MARCHF1: variants seen among roughly 807,000 people sequenced by gnomAD.
MARCHF1 encodes the protein membrane associated ring-CH-type finger 1, also known as E3 ubiquitin-protein ligase MARCHF1.
MARCHF1 carries 40 observed loss-of-function variants against 54.2 expected under a neutral mutation model. That is an observed-to-expected ratio of 0.74 (90% CI 0.57 to 0.96). The LOEUF is 0.96. Among genes scored for constraint, MARCHF1 ranks in the 40% least tolerant of loss-of-function variants. The probability of loss-of-function intolerance (pLI) is 0.00; values close to 1 mark genes in which losing one functional copy is unlikely to be tolerated. For synonymous variants in MARCHF1, 236 were observed against 236.3 expected, an observed-to-expected ratio of 1.00 and a Z score of 0.01; for missense variants, 586 against 656.5, an observed-to-expected ratio of 0.89 and a Z score of 1.17.
At chr4:163,994,297 T>TGTGC (rs1753024137) in intron 2 of MARCHF1, among the ~76,000 whole-genome samples, 1 of 141,650 alleles carries the variant, frequency 7.1e-6, no homozygotes, top group Non-Finnish European at 1.6e-5. Flanking sequence ...TGTGTGTGTG[T>TGTGC]GTGTGAGTGT....
At chr4:163,925,536 G>A (rs1466943714) in intron 3 of MARCHF1, among the ~76,000 whole-genome samples, 1 of 151,670 alleles carries the variant, frequency 6.6e-6, no homozygotes, top group Non-Finnish European at 1.5e-5. Flanking sequence ...CTTAAATCAA[G>A]GAAGACATAT....
chr4:163,600,961 T>G (rs1201370827), intron 7 of MARCHF1, among the ~76,000 whole-genome samples: 1 of 152,066 alleles, frequency 6.6e-6, no homozygotes, highest in Non-Finnish European at 1.5e-5. Flanking sequence ...GCTCCTGGAG[T>G]CCTTGTATCT....
intron 2 of MARCHF1, among the ~76,000 whole-genome samples, chr4:164,088,343 T>C (rs566214619): frequency 6.6e-6 from 1 of 152,346 alleles, no homozygotes; most frequent in East Asian, 1.9e-4. Flanking sequence ...ATTTATTTTA[T>C]AATTTGATGT....
At chr4:164,197,037 A>G in intron 1 of MARCHF1, 1 of 1,605,250 alleles carries the variant, frequency 6.2e-7, no homozygotes, top group Non-Finnish European at 8.5e-7. Flanking sequence ...TTTCTTCTTC[A>G]CCAAGCTCTT....
chr4:163,705,975 G>A (rs931074323), intron 4 of MARCHF1, among the ~76,000 whole-genome samples: 5 of 152,010 alleles, frequency 3.3e-5, no homozygotes, highest in Admixed American at 2.0e-4. Flanking sequence ...ACAGTACTTA[G>A]ATACATGACA....
intron 1 of MARCHF1, among the ~76,000 whole-genome samples, chr4:164,311,970 G>T (rs906684965): frequency 6.6e-6 from 1 of 151,892 alleles, no homozygotes; most frequent in African/African-American, 2.4e-5. Flanking sequence ...GCTTCCCTTT[G>T]ATCCCCAAGT....
intron 3 of MARCHF1, among the ~76,000 whole-genome samples, chr4:163,941,652 G>A (rs1443847381): frequency 3.9e-5 from 6 of 152,026 alleles, no homozygotes; most frequent in Non-Finnish European, 8.8e-5. Flanking sequence ...TTTACCCGTG[G>A]TCCTTCAGAG....
chr4:164,256,753 T>C (rs1395512453), intron 1 of MARCHF1, among the ~76,000 whole-genome samples: 1 of 152,152 alleles, frequency 6.6e-6, no homozygotes, highest in Non-Finnish European at 1.5e-5. Flanking sequence ...CCAACTGCTA[T>C]AAAATAAATC....
intron 1 of MARCHF1, among the ~76,000 whole-genome samples, chr4:164,359,811 A>G (rs1265794322): frequency 6.6e-6 from 1 of 152,152 alleles, no homozygotes; most frequent in Non-Finnish European, 1.5e-5. Flanking sequence ...AGTAAACACA[A>G]GCCTCTAGGA....
At chr4:163,670,006 G>A (rs558771593) in intron 5 of MARCHF1, among the ~76,000 whole-genome samples, 133 of 152,182 alleles carry the variant, frequency 8.7e-4, no homozygotes, top group African/African-American at 3.0e-3. Flanking sequence ...CTTTTAAGAT[G>A]TCTTTGGAAG....
intron 2 of MARCHF1, among the ~76,000 whole-genome samples, chr4:164,010,255 G>GT (rs200926227): frequency 0.035 from 5,022 of 145,096 alleles, 203 homozygotes; most frequent in East Asian, 0.17. Context: ...TTGTTTTTTG[G>GT]TTTTTTTTTT....
chr4:164,072,252 T>C (rs1248860634), intron 2 of MARCHF1, among the ~76,000 whole-genome samples: 2 of 152,234 alleles, frequency 1.3e-5, no homozygotes, highest in Non-Finnish European at 2.9e-5. Context: ...CGTCATTTAT[T>C]CATGTTTTCT....
intron 5 of MARCHF1, among the ~76,000 whole-genome samples, chr4:163,649,723 T>C (rs948675180): frequency 6.6e-6 from 1 of 151,768 alleles, no homozygotes; most frequent in Non-Finnish European, 1.5e-5. Context: ...CCCACCACCT[T>C]CCATGATACC....
At chr4:164,334,062 T>C (rs1729657027) in intron 1 of MARCHF1, among the ~76,000 whole-genome samples, 1 of 151,994 alleles carries the variant, frequency 6.6e-6, no homozygotes, top group Non-Finnish European at 1.5e-5. Context: ...CTAGCAGAGG[T>C]GGGTTCATGA....
intron 3 of MARCHF1, among the ~76,000 whole-genome samples, chr4:163,969,684 G>A (rs866843973): frequency 1.3e-5 from 2 of 152,128 alleles, no homozygotes; most frequent in South Asian, 2.1e-4. Flanking sequence ...TATGCTACAC[G>A]CAACATGCTT....
intron 4 of MARCHF1, among the ~76,000 whole-genome samples, chr4:163,766,207 T>C (rs898427560): frequency 2.6e-5 from 4 of 152,000 alleles, no homozygotes; most frequent in African/African-American, 9.7e-5. Context: ...CATCTCAGCA[T>C]TTCTTTTAAA....
intron 5 of MARCHF1, among the ~76,000 whole-genome samples, chr4:163,662,145 T>A (rs1251571175): frequency 1.3e-5 from 2 of 152,082 alleles, no homozygotes; most frequent in Non-Finnish European, 2.9e-5. Flanking sequence ...ACACAGTTGG[T>A]CCATGATATC....
chr4:164,235,606 C>T (rs1334338041), intron 1 of MARCHF1, among the ~76,000 whole-genome samples: 1 of 152,054 alleles, frequency 6.6e-6, no homozygotes, highest in Non-Finnish European at 1.5e-5. Flanking sequence ...GAGCTGGAGA[C>T]CATTATTCTA....
At position 164,244,365 on chromosome 4, in the gene MARCHF1, C is replaced by T. The variant is rs1336763777; in HGVS notation, c.-322-132703G>A. Among the ~76,000 whole-genome samples, 5 of 152,178 alleles carry T rather than the reference C, an allele frequency of 3.3e-5. No homozygotes were observed. In the South Asian group the frequency reaches 6.3e-4, roughly 19 times the overall value. ...CCTGCTCCTGAATGACTACTGGGTA[C>T]ATAACGAAATGAAGGCAGAAATAAA... On this transcript the variant is annotated intron_variant, in intron 1 of 9. Transcript: ENST00000514618.
Sources: allele counts gnomAD v4.1 joint callset (sites outside exome capture counted in the v4.1 genomes callset), GRCh38; gene constraint gnomAD v4.1.1; transcripts MANE v1.5; gene names NCBI Gene and HGNC (gene_info 2026-07-23, HGNC 2026-07-21).